PKP2: variants seen among roughly 807,000 people sequenced by gnomAD.
PKP2 encodes plakophilin-2.
A neutral mutation model predicts 83.4 loss-of-function variants in PKP2; 73 were observed. The ratio of observed to expected loss-of-function variants is 0.88; its 90% CI spans 0.72 to 1.06. The LOEUF (loss-of-function observed/expected upper bound fraction) is 1.06, where lower values mean the gene tolerates loss of function less well. PKP2 is among the 50% of genes least tolerant of loss of function. The pLI is 0.00. For synonymous variants in PKP2, 409 were observed against 430.4 expected (o/e 0.95, Z 0.62); for missense variants, 966 against 1,065.4 (o/e 0.91, Z 1.30).
chr12:32,882,932 GATT>G (rs1450403071), intron 1 of PKP2, among the ~76,000 whole-genome samples: 2 of 152,014 alleles, frequency 1.3e-5, no homozygotes, highest in Non-Finnish European at 2.9e-5. Flanking sequence ...GCCTTAGAGG[GATT>G]ATTATTATAG....
intron 10 of PKP2, among the ~76,000 whole-genome samples, chr12:32,797,038 C>G (rs1592726855): frequency 6.6e-6 from 1 of 151,960 alleles, no homozygotes; most frequent in South Asian, 2.1e-4. Flanking sequence ...AACACACCTG[C>G]AAAGACTATT....
At chr12:32,807,057 G>A (rs576809769) in intron 9 of PKP2, among the ~76,000 whole-genome samples, 8 of 152,150 alleles carry the variant, frequency 5.3e-5, no homozygotes, top group Non-Finnish European at 8.8e-5. Context: ...TGGTTGCACC[G>A]TTGTCTGAGA....
At chr12:32,891,578 A>T (rs1025744222) in intron 1 of PKP2, among the ~76,000 whole-genome samples, 2 of 152,212 alleles carry the variant, frequency 1.3e-5, no homozygotes, top group African/African-American at 4.8e-5. Flanking sequence ...AATACCTAGA[A>T]TATTTAATAC....
intron 3 of PKP2, among the ~76,000 whole-genome samples, chr12:32,873,375 G>T (rs1956909364): frequency 6.6e-6 from 1 of 152,126 alleles, no homozygotes; most frequent in Non-Finnish European, 1.5e-5. Context: ...TGGGATTACA[G>T]GTGTGAGCCA....
At chr12:32,849,196 TCA>T (rs1956675852) in intron 5 of PKP2, among the ~76,000 whole-genome samples, 1 of 152,140 alleles carries the variant, frequency 6.6e-6, no homozygotes, top group African/African-American at 2.4e-5. Context: ...ATGATTGCAC[TCA>T]GTTATGCCTC....
intron 3 of PKP2, among the ~76,000 whole-genome samples, chr12:32,869,286 C>CA (rs1437068835): frequency 6.6e-6 from 1 of 152,206 alleles, no homozygotes; most frequent in East Asian, 1.9e-4. Flanking sequence ...TGGACGATGT[C>CA]ATTCGATTGA....
chr12:32,819,310 A>G (rs943912291), intron 9 of PKP2, among the ~76,000 whole-genome samples: 3 of 142,282 alleles, frequency 2.1e-5, no homozygotes, highest in Admixed American at 2.1e-4. Flanking sequence ...ATACAATACA[A>G]TACAATAAAA....
intron 3 of PKP2, 62 bp downstream of exon 3, chr12:32,877,784 C>T: frequency 8.2e-7 from 1 of 1,221,198 alleles, no homozygotes; most frequent in Non-Finnish European, 1.2e-6. Context: ...CTCATGCTGT[C>T]AGGGCTGTGG....
chr12:32,888,173 A>G (rs1467802038), intron 1 of PKP2, among the ~76,000 whole-genome samples: 2 of 152,176 alleles, frequency 1.3e-5, no homozygotes, highest in East Asian at 3.9e-4. Context: ...ACGCTGTCTC[A>G]TGAATGAATG....
At chr12:32,805,218 G>T (rs1371473158) in intron 9 of PKP2, among the ~76,000 whole-genome samples, 2 of 151,248 alleles carry the variant, frequency 1.3e-5, no homozygotes, top group African/African-American at 2.4e-5. Flanking sequence ...TTGTCAGGAA[G>T]ATAGATTGTA....
intron 4 of PKP2, among the ~76,000 whole-genome samples, chr12:32,854,577 G>A (rs982927891): frequency 6.6e-6 from 1 of 152,182 alleles, no homozygotes; most frequent in Non-Finnish European, 1.5e-5. Context: ...GTTCAGGGAA[G>A]CAGCTGGAAC....
chr12:32,828,851 C>T (rs1226546833), intron 6 of PKP2, among the ~76,000 whole-genome samples: 34 of 152,246 alleles, frequency 2.2e-4, no homozygotes, highest in African/African-American at 5.5e-4. Flanking sequence ...TGAGAATGGC[C>T]GGGAACAATA....
chr12:32,885,669 CA>C lies in PKP2; in HGVS notation c.224-6638del, dbSNP rs1400967961. ...ACAGAGCAAGATTCCGTCCCCCCCC[CA>C]AAAAAAAAACTAAGTTGATTTTCAT... On this transcript the variant is annotated intron_variant, in intron 1 of 12. Coordinates refer to ENST00000340811, the MANE Select transcript of PKP2 (RefSeq NM_001005242.3). Among the ~76,000 whole-genome samples the C allele has an allele frequency of 1.2e-4, 18 of 145,136 alleles. No individual in the cohort carries two copies. The East Asian group carries it at 1.6e-3, about 13-fold the overall frequency.
chr12:32,893,059 A>G (rs2137999250), intron 1 of PKP2, among the ~76,000 whole-genome samples: 1 of 152,350 alleles, frequency 6.6e-6, no homozygotes, highest in African/African-American at 2.4e-5. Context: ...ACAGTTAAAA[A>G]TAACACCAAA....
Position 32,792,320 on chromosome 12 carries a change from G to A in PKP2, c.*104C>T, listed in dbSNP as rs1419133006. 1 of 828,250 alleles carries A rather than the reference G, an allele frequency of 1.2e-6. No homozygotes were observed. 51.3% of individuals were successfully genotyped at this position (828,250 alleles called of 1,614,324 possible). A position where few individuals can be genotyped will look rare whatever the true frequency, so the allele number is the denominator to read the frequency against. On this transcript the variant is annotated 3_prime_UTR_variant, in exon 13 of 13. Transcript: ENST00000340811. ...TTCAGGGGACCACGGAAATAGAGAA[G>A]GATAGAAACAAGGCATGCTTTTGAG... is the stretch of plus-strand genomic sequence containing the variant.
At position 32,802,490 on chromosome 12, in the gene PKP2, G is replaced by A; in HGVS notation, c.2080C>T (p.Leu694=). 6.2e-7 allele frequency: 1 copy of A among 1,613,998 alleles called. No homozygotes were observed. Among genetic ancestry groups the A allele is most frequent in the Non-Finnish European group, 8.5e-7 (1 of 1,179,846 alleles). The part of the protein sequence containing the change: ...ESGLQHTRKM[L]HVGDPSVKKT... ...TTCACACTTGGGTCACCAACATGCA[G>A]CATCTTTCGGGTGTGCTGCAGGCCA... The change falls in exon 10 of 13, where the codon CTG becomes TTG. Residue 694 remains leucine, a synonymous_variant. Coordinates refer to ENST00000340811, the MANE Select transcript of PKP2 (RefSeq NM_001005242.3).
At chr12:32,864,177 C>A (rs957544124) in intron 4 of PKP2, among the ~76,000 whole-genome samples, 2 of 151,796 alleles carry the variant, frequency 1.3e-5, no homozygotes, top group African/African-American at 2.4e-5. Context: ...AAAAAACCTA[C>A]AGGTAGCATA....
chr12:32,876,650 C>T (rs558315473), intron 3 of PKP2, among the ~76,000 whole-genome samples: 35 of 152,262 alleles, frequency 2.3e-4, no homozygotes, highest in Admixed American at 9.8e-4. Flanking sequence ...CCGCCTCAGC[C>T]TCTCGAGTAG....
At chr12:32,802,151 G>C (rs1241025716) in intron 10 of PKP2, among the ~76,000 whole-genome samples, 1 of 150,208 alleles carries the variant, frequency 6.7e-6, no homozygotes, top group African/African-American at 2.5e-5. Context: ...TTAATTATTA[G>C]TATGCTCTAA....
Sources: allele counts gnomAD v4.1 joint callset (sites outside exome capture counted in the v4.1 genomes callset), GRCh38; gene constraint gnomAD v4.1.1; transcripts MANE v1.5; gene names NCBI Gene and HGNC (gene_info 2026-07-23, HGNC 2026-07-21).